Variants in LMNB1 observed in about 807,000 individuals in gnomAD.
LMNB1 encodes the protein lamin B1, also known as lamin-B1.
In LMNB1, 23 loss-of-function variants were observed where a neutral mutation model predicts 67.1. The observed-to-expected ratio is 0.34, with a 90% confidence interval of 0.25 to 0.49. LMNB1 has a LOEUF of 0.49. LMNB1 is among the 20% of genes least tolerant of loss of function. The pLI is 0.99. For missense variants in LMNB1, 634 were observed against 746.5 expected (o/e 0.85, Z 1.76); for synonymous variants, 281 against 282.9 (o/e 0.99, Z 0.07).
intron 1 of LMNB1, among the ~76,000 whole-genome samples, chr5:126,800,261 A>G (rs1751237254): frequency 6.6e-6 from 1 of 151,714 alleles, no homozygotes; most frequent in Non-Finnish European, 1.5e-5. Context: ...AAAGATGTAT[A>G]TACCATGCAC....
At position 126,777,421 on chromosome 5, in the gene LMNB1, C is replaced by T; in HGVS notation, c.-88C>T. On this transcript the variant is annotated 5_prime_UTR_variant, in exon 1 of 11. Coordinates refer to ENST00000261366, the MANE Select transcript of LMNB1 (RefSeq NM_005573.4). Reference sequence around the variant, plus strand: ...CGTGAGCGCAGGTCGCCGGTTTGTGCCTTCGGTCCCCGCTTCGCCCCCTGC... The same window carrying T: ...CGTGAGCGCAGGTCGCCGGTTTGTGTCTTCGGTCCCCGCTTCGCCCCCTGC... The T allele has an allele frequency of 4.0e-6, 5 of 1,245,312 alleles. No individual in the cohort carries two copies. Among genetic ancestry groups the T allele is most frequent in the Non-Finnish European group, 5.0e-6 (5 of 995,312 alleles). The allele number at this position is 1,245,312 out of a possible 1,614,324, so 77.1% of individuals were successfully genotyped here. A position where few individuals can be genotyped will look rare whatever the true frequency, so the allele number is the denominator to read the frequency against.
intron 10 of LMNB1, among the ~76,000 whole-genome samples, chr5:126,835,938 C>G (rs939599179): frequency 6.6e-6 from 1 of 152,062 alleles, no homozygotes; most frequent in Non-Finnish European, 1.5e-5. Context: ...CGCAGCTGCT[C>G]GGGAGGCTGA....
At chr5:126,819,543 G>A (rs1751810217) in intron 6 of LMNB1, among the ~76,000 whole-genome samples, 2 of 151,668 alleles carry the variant, frequency 1.3e-5, no homozygotes, top group Admixed American at 1.3e-4. Flanking sequence ...AGGCTAGAGT[G>A]CAGTGGTGTG....
rs1456578854 is a variant in LMNB1, at chr5:126,787,539, TATATA to T, written c.359+9673_359+9677del. ...GTGTGTGGGGGTATATATATATATA[TATATA>T]TATTTTTTTTTTTTTTTTTTGAGAT... is the stretch of plus-strand genomic sequence containing the variant. On this transcript the variant is annotated intron_variant, in intron 1 of 10. Transcript: ENST00000261366. 1.3e-3 allele frequency among the ~76,000 whole-genome samples: 88 copies of T among 66,062 alleles called. 1 individual carries two copies. Among genetic ancestry groups the T allele is most frequent in the Middle Eastern group, 9.3e-3 (1 of 108 alleles). The allele number at this position is 66,062 out of a possible 152,430, so 43.3% of individuals were successfully genotyped here.
chr5:126,811,422 G>A (rs1341108234), intron 4 of LMNB1, among the ~76,000 whole-genome samples: 3 of 152,172 alleles, frequency 2.0e-5, no homozygotes, highest in Non-Finnish European at 2.9e-5. Context: ...GATATGTGAT[G>A]TTTCTTTTCT....
At chr5:126,833,300 T>TA (rs1052143217) in intron 10 of LMNB1, among the ~76,000 whole-genome samples, 1 of 152,192 alleles carries the variant, frequency 6.6e-6, no homozygotes, top group African/African-American at 2.4e-5. Flanking sequence ...GCCCTTGAAA[T>TA]AAAGAAACTC....
intron 1 of LMNB1, among the ~76,000 whole-genome samples, chr5:126,789,625 T>A (rs1278232489): frequency 6.6e-6 from 1 of 152,166 alleles, no homozygotes; most frequent in African/African-American, 2.4e-5. Context: ...CTTTATTCAG[T>A]CCCGTTTACT....
intron 6 of LMNB1, chr5:126,819,347 ATTACT>A (rs1478013683): frequency 4.4e-6 from 2 of 454,264 alleles, no homozygotes; most frequent in African/African-American, 3.9e-5. Flanking sequence ...ATTTATTATT[ATTACT>A]TTAAATGCTG....
intron 4 of LMNB1, among the ~76,000 whole-genome samples, chr5:126,810,859 T>C (rs538639823): frequency 2.0e-5 from 3 of 152,366 alleles, no homozygotes; most frequent in East Asian, 3.9e-4. Flanking sequence ...TAAAAAAATA[T>C]TGTAGAAACT....
At chr5:126,812,736 T>TC in intron 5 of LMNB1, among the ~76,000 whole-genome samples, 1 of 129,740 alleles carries the variant, frequency 7.7e-6, no homozygotes, top group African/African-American at 2.8e-5. Context: ...TTTTTTTTTT[T>TC]TTTTTTCTTT....
intron 1 of LMNB1, among the ~76,000 whole-genome samples, chr5:126,803,828 G>A (rs1254095076): frequency 6.6e-6 from 1 of 152,198 alleles, no homozygotes; most frequent in African/African-American, 2.4e-5. Flanking sequence ...TGGGATTACA[G>A]GCATGAGCCA....
chr5:126,795,369 C>G (rs577315394), intron 1 of LMNB1, among the ~76,000 whole-genome samples: 1 of 152,246 alleles, frequency 6.6e-6, no homozygotes, highest in African/African-American at 2.4e-5. Flanking sequence ...AACTCCTGGG[C>G]TCAAGCATTC....
Position 126,822,827 on chromosome 5 carries a change from C to T in LMNB1, c.1433C>T (p.Thr478Ile). ...GAGATGATCAGAAAAATTGGAGACA[C>T]ATCAGTCAGTTATAAATATACCTCA... Reference protein sequence around the residue: ...GWEMIRKIGDTSVSYKYTSRY... With the variant: ...GWEMIRKIGDISVSYKYTSRY... Residue 478 changes from threonine (T) to isoleucine (I), a missense_variant, in exon 8 of 11, where the codon ACA (threonine) becomes ATA (isoleucine). Coordinates refer to ENST00000261366, the MANE Select transcript of LMNB1 (RefSeq NM_005573.4). 6.2e-7 allele frequency: 1 copy of T among 1,613,280 alleles called. No homozygotes were observed. The highest frequency in any genetic ancestry group is 8.5e-7 in the Non-Finnish European group (1 of 1,179,312).
chr5:126,800,975 A>AATTT (rs1561742516), intron 1 of LMNB1, among the ~76,000 whole-genome samples: 1 of 38,512 alleles, frequency 2.6e-5, no homozygotes, highest in African/African-American at 7.0e-5. Flanking sequence ...ATATATATAT[A>AATTT]TATATAATTT....
Position 126,830,578 on chromosome 5 carries a change from C to T in LMNB1, c.1612-2116C>T, listed in dbSNP as rs539622412. On this transcript the variant is annotated intron_variant, in intron 9 of 10. Coordinates refer to ENST00000261366, the MANE Select transcript of LMNB1 (RefSeq NM_005573.4). ...AAGAGTGCTTAACAGCAGGGTTACACTTAAAGTAGTTATGTTAAGGTAATT... is the reference window on the plus strand; with the variant it reads ...AAGAGTGCTTAACAGCAGGGTTACATTTAAAGTAGTTATGTTAAGGTAATT... Among the ~76,000 whole-genome samples, 3 of 152,264 alleles carry T rather than the reference C, an allele frequency of 2.0e-5. No individual in the cohort carries two copies. The South Asian group carries it at 6.2e-4, about 32-fold the overall frequency.
chr5:126,816,916 T>A (rs1165096825), intron 5 of LMNB1, among the ~76,000 whole-genome samples: 1 of 152,176 alleles, frequency 6.6e-6, no homozygotes, highest in East Asian at 1.9e-4. Context: ...AGCGCTACTA[T>A]TTTTCCGTTC....
Position 126,777,725 on chromosome 5 carries a change from C to G in LMNB1, c.217C>G (p.Arg73Gly). The change falls in exon 1 of 11, where the codon CGT (arginine) becomes GGT (glycine). Residue 73 changes from arginine to glycine, a missense_variant. Coordinates refer to ENST00000261366, the MANE Select transcript of LMNB1 (RefSeq NM_005573.4). ...QVTEREEVRG[R>G]ELTGLKALYE... ...GACGGAGCGCGAGGAGGTGCGCGGC[C>G]GTGAGCTCACCGGCCTCAAGGCGCT... is the stretch of plus-strand genomic sequence containing the variant. 1 of 1,541,880 alleles carries G rather than the reference C, an allele frequency of 6.5e-7. No homozygotes were observed. The highest frequency in any genetic ancestry group is 8.7e-7 in the Non-Finnish European group (1 of 1,143,202).
chr5:126,820,081 G>T (rs1245861052), intron 6 of LMNB1, among the ~76,000 whole-genome samples: 1 of 152,110 alleles, frequency 6.6e-6, no homozygotes, highest in Non-Finnish European at 1.5e-5. Context: ...GGTGGAGTTT[G>T]CAGTGAGCCA....
chr5:126,798,584 T>TC lies in LMNB1; in HGVS notation c.360-6192_360-6191insC, dbSNP rs559826961. Among the ~76,000 whole-genome samples the TC allele has an allele frequency of 2.1e-3, 322 of 152,342 alleles. 1 individual carries two copies. The highest frequency in any genetic ancestry group is 7.5e-3 in the African/African-American group (314 of 41,590). On this transcript the variant is annotated intron_variant, in intron 1 of 10. Coordinates refer to ENST00000261366, the MANE Select transcript of LMNB1 (RefSeq NM_005573.4). ...GAAATTGGTAGGAAGAAAGAGAGGA[T>TC]ACCCATGCATGTGAGTTTTAGAGAT...
Sources: gnomAD v4.1 joint callset for allele counts (sites outside exome capture counted in the v4.1 genomes callset) on GRCh38, gnomAD v4.1.1 for gene constraint, MANE v1.5 for transcripts, NCBI Gene and HGNC (gene_info 2026-07-23, HGNC 2026-07-21) for gene names.